The following MKX variants were observed in gnomAD, a reference collection of about 807,000 sequenced individuals.
The protein encoded by MKX is mohawk homeobox.
In MKX, 13 loss-of-function variants were observed where a neutral mutation model predicts 36.0. The ratio of observed to expected loss-of-function variants is 0.36; its 90% CI spans 0.24 to 0.57. The LOEUF (loss-of-function observed/expected upper bound fraction) is 0.57, where lower values mean the gene tolerates loss of function less well. MKX is among the 20% of genes least tolerant of loss of function. The probability of loss-of-function intolerance (pLI) is 0.79; values close to 1 mark genes in which losing one functional copy is unlikely to be tolerated. For synonymous variants in MKX, 176 were observed against 178.3 expected (o/e 0.99, Z 0.10); for missense variants, 458 against 456.4 (o/e 1.00, Z -0.03).
At chr10:27,724,879 G>A (rs889261213) in intron 5 of MKX, among the ~76,000 whole-genome samples, 5 of 151,646 alleles carry the variant, frequency 3.3e-5, no homozygotes, top group Non-Finnish European at 7.4e-5. Context: ...AAGATGATCC[G>A]TAGGTACTGT....
intron 1 of MKX, 86 bp downstream of exon 1, chr10:27,745,621 G>A (rs895919023): frequency 6.6e-6 from 1 of 152,536 alleles, no homozygotes; most frequent in Non-Finnish European, 1.5e-5. Context: ...AAGGGCGGGA[G>A]AGCACCGGCG....
intron 5 of MKX, among the ~76,000 whole-genome samples, chr10:27,719,334 CA>C (rs1297990521): frequency 1.3e-5 from 2 of 152,108 alleles, no homozygotes; most frequent in Non-Finnish European, 2.9e-5. Context: ...GTGCACAGTT[CA>C]CAAAGAATAA....
chr10:27,681,859 T>C (rs1452429029), intron 5 of MKX, among the ~76,000 whole-genome samples: 55 of 151,682 alleles, frequency 3.6e-4, no homozygotes, highest in Admixed American at 3.6e-3. Flanking sequence ...GAGGCAGAGG[T>C]TGCAGTGAGC....
chr10:27,727,582 G>A (rs1208972940), intron 5 of MKX, among the ~76,000 whole-genome samples: 1 of 152,204 alleles, frequency 6.6e-6, no homozygotes, highest in African/African-American at 2.4e-5. Context: ...ATGGTATTCC[G>A]AATAGTGCTT....
At chr10:27,679,679 C>CT (rs1049014160) in intron 5 of MKX, among the ~76,000 whole-genome samples, 16 of 151,580 alleles carry the variant, frequency 1.1e-4, no homozygotes, top group African/African-American at 1.7e-4. Flanking sequence ...GGAGTTGTTT[C>CT]TTTTTTTTCT....
rs1834899548 is a variant in MKX, at chr10:27,741,612, C to T, written c.189-108G>A. ...CCCGCATCCAAACTGCGCATTCCTG[C>T]CTTGCGCCCCTGCTTTGCGCGCGCC... On this transcript the variant is annotated intron_variant, in intron 2 of 6. Transcript: ENST00000419761. The surrounding 1 kb of genome is among the most constrained non-coding windows in gnomAD (Gnocchi z 5.1). 7.8e-7 allele frequency: 1 copy of T among 1,284,818 alleles called. No homozygotes were observed. The highest frequency in any genetic ancestry group is 1.0e-6 in the Non-Finnish European group (1 of 963,148). 79.6% of individuals were successfully genotyped at this position (1,284,818 alleles called of 1,614,324 possible).
rs890127924 is a variant in MKX, at chr10:27,741,800, A to C, written c.189-296T>G. ...GTGATTTGAAGAATACTGCTATTCC[A>C]GTCGCGTATCTGGGCAGCGGGGCTA... On this transcript the variant is annotated intron_variant, in intron 2 of 6. Coordinates refer to ENST00000419761, the MANE Select transcript of MKX (RefSeq NM_173576.3). The surrounding 1 kb of genome is among the most constrained non-coding windows in gnomAD (Gnocchi z 5.1). Among the ~76,000 whole-genome samples the C allele has an allele frequency of 6.6e-6, 1 of 152,244 alleles. No homozygotes were observed. The highest frequency in any genetic ancestry group is 2.4e-5 in the African/African-American group (1 of 41,476).
At chr10:27,700,014 T>C (rs1039788381) in intron 5 of MKX, among the ~76,000 whole-genome samples, 2 of 152,208 alleles carry the variant, frequency 1.3e-5, no homozygotes, top group Non-Finnish European at 2.9e-5. Flanking sequence ...CGCAGATAAA[T>C]AGATATTACA....
At chr10:27,720,513 TA>T (rs1430709344) in intron 5 of MKX, among the ~76,000 whole-genome samples, 3 of 152,098 alleles carry the variant, frequency 2.0e-5, no homozygotes, top group South Asian at 2.1e-4. Flanking sequence ...TTAAATAGAT[TA>T]AAAGAGGACA....
chr10:27,743,395 G>C lies in MKX; in HGVS notation c.21C>G (p.Asn7Lys). The change falls in exon 2 of 7, where the codon AAC (asparagine) becomes AAG (lysine). Residue 7 changes from asparagine (N) to lysine (K), a missense_variant. Transcript: ENST00000419761. MNTIVF[N>K]KLSGAVLFED... ...CAAACAGCACCGCACCGCTGAGCTT[G>C]TTGAAGACGATGGTGTTCATGGTGT... is the stretch of plus-strand genomic sequence containing the variant. 1.9e-6 allele frequency: 3 copies of C among 1,565,938 alleles called. No individual in the cohort carries two copies. The East Asian group carries it at 7.3e-5, about 38-fold the overall frequency.
intron 5 of MKX, among the ~76,000 whole-genome samples, chr10:27,696,333 G>A (rs1305460678): frequency 6.6e-6 from 1 of 152,094 alleles, no homozygotes; most frequent in African/African-American, 2.4e-5. Context: ...GTCAGACACG[G>A]GTACCCAATA....
rs1257146917 is a variant in MKX at position 27,673,172 on chromosome 10, T to C, written c.*2057A>G. The C allele has an allele frequency of 6.6e-6, 1 of 152,188 alleles. No homozygotes were observed. The highest frequency in any genetic ancestry group is 1.5e-5 in the Non-Finnish European group (1 of 68,022). The allele number at this position is 152,188 out of a possible 1,614,324, so 9.4% of individuals were successfully genotyped here. ...TGCTTACTATAAAGTCTTCTTGACATGTTAATTATAAAATCTTCCAACCTT... is the reference window on the plus strand; with the variant it reads ...TGCTTACTATAAAGTCTTCTTGACACGTTAATTATAAAATCTTCCAACCTT... On this transcript the variant is annotated 3_prime_UTR_variant, in exon 7 of 7. Transcript: ENST00000419761.
At chr10:27,739,837 T>G (rs1441708843) in intron 3 of MKX, among the ~76,000 whole-genome samples, 1 of 152,190 alleles carries the variant, frequency 6.6e-6, no homozygotes, top group Non-Finnish European at 1.5e-5. Context: ...AATTAGTGTA[T>G]TTTAAAAATA....
chr10:27,701,510 ATAT>A (rs911528373), intron 5 of MKX, among the ~76,000 whole-genome samples: 1 of 145,798 alleles, frequency 6.9e-6, no homozygotes, highest in Non-Finnish European at 1.5e-5. Context: ...TATAAAAGAT[ATAT>A]TATATTTAAT....
intron 5 of MKX, among the ~76,000 whole-genome samples, chr10:27,732,938 G>T (rs1834665350): frequency 6.6e-6 from 1 of 152,046 alleles, no homozygotes; most frequent in Admixed American, 6.6e-5. Context: ...TTGTAGCAAT[G>T]GGGGTCTCAC....
intron 5 of MKX, among the ~76,000 whole-genome samples, chr10:27,691,392 C>T (rs1448205479): frequency 6.6e-6 from 1 of 152,092 alleles, no homozygotes; most frequent in Middle Eastern, 3.2e-3. Flanking sequence ...TAGTAAATAA[C>T]CATGCTGGAA....
chr10:27,704,469 G>A (rs1447824611), intron 5 of MKX, among the ~76,000 whole-genome samples: 1 of 151,972 alleles, frequency 6.6e-6, no homozygotes, highest in Non-Finnish European at 1.5e-5. Flanking sequence ...GGATAGGACA[G>A]AAACATGAGT....
At chr10:27,733,666 T>C (rs1179574765) in intron 5 of MKX, among the ~76,000 whole-genome samples, 3 of 152,224 alleles carry the variant, frequency 2.0e-5, no homozygotes, top group African/African-American at 7.2e-5. Flanking sequence ...ACCCAGACTC[T>C]GTCTACACCA....
intron 5 of MKX, among the ~76,000 whole-genome samples, chr10:27,714,191 A>G (rs915920074): frequency 6.6e-6 from 1 of 152,128 alleles, no homozygotes; most frequent in Admixed American, 6.6e-5. Context: ...CGCTTCTGCT[A>G]CAGTTATAAT....
Sources: gnomAD v4.1 joint callset for allele counts (sites outside exome capture counted in the v4.1 genomes callset) on GRCh38, gnomAD v4.1.1 for gene constraint, Gnocchi (gnomAD v3.1) non-coding constraint, MANE v1.5 for transcripts, NCBI Gene and HGNC (gene_info 2026-07-23, HGNC 2026-07-21) for gene names.